R3HCC1L: variants seen among roughly 807,000 people sequenced by gnomAD.
The protein encoded by R3HCC1L is coiled-coil domain-containing protein R3HCC1L.
A neutral mutation model predicts 59.9 loss-of-function variants in R3HCC1L; 51 were observed. The observed-to-expected ratio is 0.85, with a 90% CI of 0.68 to 1.07. The LOEUF (loss-of-function observed/expected upper bound fraction) is 1.07, where lower values mean the gene tolerates loss of function less well. Among genes scored for constraint, R3HCC1L ranks in the 50% least tolerant of loss-of-function variants. R3HCC1L has a pLI of 0.00. For missense variants in R3HCC1L, 965 were observed against 933.0 expected (o/e 1.03, Z -0.45); for synonymous variants, 322 against 315.2 (o/e 1.02, Z -0.23).
intron 5 of R3HCC1L, among the ~76,000 whole-genome samples, chr10:98,217,051 A>G (rs1175022514): frequency 6.6e-6 from 1 of 152,218 alleles, no homozygotes; most frequent in Non-Finnish European, 1.5e-5. Flanking sequence ...TAAAACCAAA[A>G]TGTTGGTAAG....
intron 5 of R3HCC1L, among the ~76,000 whole-genome samples, chr10:98,223,174 C>G (rs1163455352): frequency 6.6e-6 from 1 of 152,188 alleles, no homozygotes; most frequent in Non-Finnish European, 1.5e-5. Context: ...AGGGAATCCT[C>G]CCTAACTCAT....
chr10:98,155,786 A>G (rs1846793565), intron 1 of R3HCC1L, among the ~76,000 whole-genome samples: 2 of 150,528 alleles, frequency 1.3e-5, no homozygotes, highest in Non-Finnish European at 1.5e-5. Context: ...GTACAATGCT[A>G]TCTTTTGATT....
chr10:98,167,739 CTG>C (rs1302028134), intron 4 of R3HCC1L, among the ~76,000 whole-genome samples: 1 of 152,192 alleles, frequency 6.6e-6, no homozygotes, highest in South Asian at 2.1e-4. Context: ...CACTTGGAAA[CTG>C]TGTAATCTTA....
At chr10:98,226,733 G>T (rs1439333836) in intron 5 of R3HCC1L, among the ~76,000 whole-genome samples, 1 of 152,234 alleles carries the variant, frequency 6.6e-6, no homozygotes, top group East Asian at 1.9e-4. Context: ...AGTTATTGCA[G>T]ACTCCTTTTG....
intron 5 of R3HCC1L, chr10:98,211,419 A>T: frequency 6.8e-7 from 1 of 1,475,870 alleles, no homozygotes; most frequent in South Asian, 1.3e-5. Context: ...TAATTAGAAA[A>T]ATACTGTTCA....
intron 6 of R3HCC1L, among the ~76,000 whole-genome samples, chr10:98,233,904 G>A (rs1156837106): frequency 6.6e-6 from 1 of 151,928 alleles, no homozygotes; most frequent in African/African-American, 2.4e-5. Context: ...CAGCCTCTCT[G>A]ATTATAGTTG....
intron 5 of R3HCC1L, chr10:98,211,275 C>A: frequency 1.5e-6 from 2 of 1,334,336 alleles, no homozygotes; most frequent in Non-Finnish European, 1.0e-6. Flanking sequence ...AATTATTTAG[C>A]CCAGCAAACT....
At chr10:98,188,433 G>A (rs1156822839) in intron 4 of R3HCC1L, among the ~76,000 whole-genome samples, 1 of 152,170 alleles carries the variant, frequency 6.6e-6, no homozygotes, top group Non-Finnish European at 1.5e-5. Flanking sequence ...AAAAGGAACA[G>A]CCCTAAGTCA....
intron 5 of R3HCC1L, among the ~76,000 whole-genome samples, chr10:98,221,756 G>A (rs372450569): frequency 6.6e-6 from 1 of 152,320 alleles, no homozygotes; most frequent in African/African-American, 2.4e-5. Flanking sequence ...TTTGGTACCA[G>A]TACCATGCTG....
rs1027634931 is a variant in R3HCC1L, at chr10:98,203,642, T to G, written c.-14-4459T>G. Among the ~76,000 whole-genome samples, 3 of 152,226 alleles carry G rather than the reference T, an allele frequency of 2.0e-5. No individual in the cohort carries two copies. The East Asian group carries it at 5.8e-4, about 29-fold the overall frequency. ...TACTCAGTTGTTGATTGAAGAGGGATCCATATGTTTTAGATACCAAATATG... is the reference window on the plus strand; with the variant it reads ...TACTCAGTTGTTGATTGAAGAGGGAGCCATATGTTTTAGATACCAAATATG... On this transcript the variant is annotated intron_variant, in intron 4 of 9. Transcript: ENST00000298999.
At chr10:98,222,662 G>C (rs1476633491) in intron 5 of R3HCC1L, among the ~76,000 whole-genome samples, 1 of 152,128 alleles carries the variant, frequency 6.6e-6, no homozygotes, top group East Asian at 1.9e-4. Flanking sequence ...CTTTGTCTCT[G>C]TTTATATGCT....
chr10:98,208,796 A>G lies in R3HCC1L; in HGVS notation c.682A>G (p.Met228Val), dbSNP rs780824701. 5.0e-6 allele frequency: 8 copies of G among 1,614,088 alleles called. No homozygotes were observed. The South Asian group carries it at 7.7e-5, about 16-fold the overall frequency. ...GTTTCCTAGAGTTTTTAGTTCTGTC[A>G]TGAAACCTGAGAATATGATTGTACC... is the stretch of plus-strand genomic sequence containing the variant. ...YEFPRVFSSV[M>V]KPENMIVPIK... The change falls in exon 5 of 10, where the codon ATG becomes GTG. Residue 228 changes from methionine to valine, a missense_variant. Coordinates refer to ENST00000298999, the MANE Select transcript of R3HCC1L (RefSeq NM_001351015.2).
intron 9 of R3HCC1L, among the ~76,000 whole-genome samples, chr10:98,239,938 T>G (rs1279845001): frequency 6.6e-6 from 1 of 152,154 alleles, no homozygotes; most frequent in East Asian, 1.9e-4. Context: ...TCAAGTGATC[T>G]CCTGCCTTGG....
At position 98,152,751 on chromosome 10, in the gene R3HCC1L, T is replaced by C. The variant is rs1290571207; in HGVS notation, c.-267-3342T>C. On this transcript the variant is annotated intron_variant, in intron 1 of 9. Transcript: ENST00000298999. Reference sequence around the variant, plus strand: ...CTGAGAAGTGAGGAGCCCCTCCGCCTGGCAGCCGCCCCGTCTGAGAAGTGA... The same window carrying C: ...CTGAGAAGTGAGGAGCCCCTCCGCCCGGCAGCCGCCCCGTCTGAGAAGTGA... Among the ~76,000 whole-genome samples, 22 of 128,582 alleles carry C rather than the reference T, an allele frequency of 1.7e-4. 1 individual carries two copies. In the East Asian group the frequency reaches 2.1e-3, roughly 12 times the overall value. 84.4% of individuals were successfully genotyped at this position (128,582 alleles called of 152,430 possible). A position where few individuals can be genotyped will look rare whatever the true frequency, so the allele number is the denominator to read the frequency against.
At chr10:98,168,571 T>G (rs1350102197) in intron 4 of R3HCC1L, among the ~76,000 whole-genome samples, 1 of 152,182 alleles carries the variant, frequency 6.6e-6, no homozygotes, top group Non-Finnish European at 1.5e-5. Flanking sequence ...TACTCAGTTT[T>G]TTCATGAAAT....
At chr10:98,240,041 C>T (rs753420966) in intron 9 of R3HCC1L, among the ~76,000 whole-genome samples, 1 of 152,172 alleles carries the variant, frequency 6.6e-6, no homozygotes, top group East Asian at 1.9e-4. Context: ...CATGGTGGCT[C>T]ACTCCTGTAA....
rs531033935 is a variant in R3HCC1L at position 98,212,537 on chromosome 10, G to C, written c.1785+2638G>C. Reference sequence around the variant, plus strand: ...TTGAGCTCCCAGAACTGCAACTCTTGATGAGTCTCCAAGAATCACACTTAG... The same window carrying C: ...TTGAGCTCCCAGAACTGCAACTCTTCATGAGTCTCCAAGAATCACACTTAG... On this transcript the variant is annotated intron_variant, in intron 5 of 9. Coordinates refer to ENST00000298999, the MANE Select transcript of R3HCC1L (RefSeq NM_001351015.2). Among the ~76,000 whole-genome samples the C allele has an allele frequency of 3.6e-4, 55 of 152,286 alleles. No individual in the cohort carries two copies. In the South Asian group the frequency reaches 7.5e-3, roughly 21 times the overall value.
chr10:98,221,313 C>G (rs1437660210), intron 5 of R3HCC1L, among the ~76,000 whole-genome samples: 1 of 150,710 alleles, frequency 6.6e-6, no homozygotes, highest in Non-Finnish European at 1.5e-5. Flanking sequence ...CGAAAATTTT[C>G]TCCCATTTTG....
intron 4 of R3HCC1L, among the ~76,000 whole-genome samples, chr10:98,175,349 C>T (rs941464996): frequency 6.6e-6 from 1 of 152,096 alleles, no homozygotes; most frequent in Non-Finnish European, 1.5e-5. Flanking sequence ...GCAAACTTCA[C>T]GTTTCATAGA....
Sources: gnomAD v4.1 joint callset for allele counts (sites outside exome capture counted in the v4.1 genomes callset) on GRCh38, gnomAD v4.1.1 for gene constraint, MANE v1.5 for transcripts, NCBI Gene and HGNC (gene_info 2026-07-23, HGNC 2026-07-21) for gene names.